TENM3: variants seen among roughly 807,000 people sequenced by gnomAD.
The protein encoded by TENM3 is teneurin transmembrane protein 3.
In TENM3, 63 loss-of-function variants were observed where a neutral mutation model predicts 255.1. The observed-to-expected ratio is 0.25, with a 90% CI of 0.20 to 0.30. The LOEUF (loss-of-function observed/expected upper bound fraction) is 0.30. TENM3 is among the 10% of genes least tolerant of loss of function. The pLI is 1.00. For synonymous variants in TENM3, 1,306 were observed against 1,322.3 expected, an observed-to-expected ratio of 0.99 and a Z score of 0.27; for missense variants, 2,929 against 3,461.1, an observed-to-expected ratio of 0.85 and a Z score of 3.86.
At chr4:181,698,213 CA>C in the TENM3 span, among the ~76,000 whole-genome samples, 76,178 of 119,436 alleles carry the variant, frequency 0.64, 22,196 homozygotes, top group Admixed American at 0.74. Context: ...GACTCTGTCT[CA>C]AAAAAAAAAA....
chr4:182,235,727 A>G (rs1312909160), intron 1 of TENM3, among the ~76,000 whole-genome samples: 1 of 152,208 alleles, frequency 6.6e-6, no homozygotes, highest in Non-Finnish European at 1.5e-5. Flanking sequence ...TCTCACAAGC[A>G]AACATGCTGA....
chr4:181,597,106 A>G, the TENM3 span, among the ~76,000 whole-genome samples: 1 of 152,242 alleles, frequency 6.6e-6, no homozygotes, highest in Non-Finnish European at 1.5e-5. Flanking sequence ...AGTTGTATTC[A>G]ACCATTGTTT....
the TENM3 span, among the ~76,000 whole-genome samples, chr4:181,749,319 G>A: frequency 6.6e-6 from 1 of 152,090 alleles, no homozygotes; most frequent in East Asian, 1.9e-4. Context: ...CTTGGCAAGG[G>A]TGGGGCAATT....
chr4:181,528,699 CGAG>C, the TENM3 span, among the ~76,000 whole-genome samples: 1 of 152,158 alleles, frequency 6.6e-6, no homozygotes, highest in Admixed American at 6.5e-5. Flanking sequence ...AGTATTTCAC[CGAG>C]GAGGTGGAAT....
rs532409166 is a variant in TENM3 at position 182,661,889 on chromosome 4, G to T, written c.1111+7996G>T. ...TGCCTTTCCGTTTCACTCATTATAG[G>T]CTTGTTTACTCACATCATAGGCAGG... is the stretch of plus-strand genomic sequence containing the variant. On this transcript the variant is annotated intron_variant, in intron 6 of 27. Transcript: ENST00000511685. 1.1e-3 allele frequency among the ~76,000 whole-genome samples: 170 copies of T among 152,186 alleles called. 1 individual carries two copies. The highest frequency in any genetic ancestry group is 3.4e-3 in the Middle Eastern group (1 of 294).
At chr4:182,560,182 A>G (rs1274834168) in intron 3 of TENM3, among the ~76,000 whole-genome samples, 1 of 152,000 alleles carries the variant, frequency 6.6e-6, no homozygotes. Context: ...ACACAGGAAT[A>G]CGTTACTTGA....
chr4:181,557,552 G>A, the TENM3 span, among the ~76,000 whole-genome samples: 4 of 151,960 alleles, frequency 2.6e-5, no homozygotes, highest in African/African-American at 9.7e-5. Context: ...TTTTAAACAG[G>A]GTCTCACTCT....
At chr4:182,020,322 C>T in the TENM3 span, among the ~76,000 whole-genome samples, 6 of 151,830 alleles carry the variant, frequency 4.0e-5, no homozygotes, top group African/African-American at 1.4e-4. Flanking sequence ...GCTGAGATCA[C>T]GCCATTGCAC....
At chr4:181,951,042 A>G in the TENM3 span, among the ~76,000 whole-genome samples, 2 of 152,188 alleles carry the variant, frequency 1.3e-5, no homozygotes, top group Non-Finnish European at 2.9e-5. Context: ...ATCATATCTC[A>G]GAAAAACAAA....
At chr4:181,450,973 C>G in the TENM3 span, among the ~76,000 whole-genome samples, 4 of 152,116 alleles carry the variant, frequency 2.6e-5, no homozygotes, top group Non-Finnish European at 4.4e-5. Context: ...TGCCAGGGAT[C>G]GTGTTTCCAG....
At chr4:182,029,166 A>C in the TENM3 span, among the ~76,000 whole-genome samples, 15 of 152,102 alleles carry the variant, frequency 9.9e-5, no homozygotes, top group Admixed American at 7.9e-4. Flanking sequence ...GGGAATTTGC[A>C]CATCACATGG....
the TENM3 span, among the ~76,000 whole-genome samples, chr4:182,102,931 G>A: frequency 6.6e-6 from 1 of 152,134 alleles, no homozygotes; most frequent in Admixed American, 6.6e-5. Context: ...CCTCTCAACT[G>A]CATTACCTTT....
chr4:181,795,491 T>A, the TENM3 span, among the ~76,000 whole-genome samples: 1 of 152,104 alleles, frequency 6.6e-6, no homozygotes, highest in Non-Finnish European at 1.5e-5. Flanking sequence ...ATATATGAAT[T>A]TCAGGGGATG....
At chr4:182,441,735 A>G (rs1179532443) in intron 3 of TENM3, among the ~76,000 whole-genome samples, 1 of 151,986 alleles carries the variant, frequency 6.6e-6, no homozygotes, top group Non-Finnish European at 1.5e-5. Flanking sequence ...TGACCTGATG[A>G]TCTGCCTGCC....
the TENM3 span, among the ~76,000 whole-genome samples, chr4:181,513,687 A>G: frequency 6.6e-6 from 1 of 152,234 alleles, no homozygotes; most frequent in South Asian, 2.1e-4. Context: ...ACAAAATATG[A>G]GCTTTTTATT....
At chr4:181,694,449 C>A in the TENM3 span, among the ~76,000 whole-genome samples, 1 of 152,196 alleles carries the variant, frequency 6.6e-6, no homozygotes, top group Non-Finnish European at 1.5e-5. Context: ...TTAACAGGCT[C>A]GTTGTGTACA....
chr4:181,985,860 G>A, the TENM3 span, among the ~76,000 whole-genome samples: 27 of 152,080 alleles, frequency 1.8e-4, no homozygotes, highest in East Asian at 2.9e-3. Flanking sequence ...CTTTTGTCAC[G>A]GCACTTCTAG....
At chr4:182,637,095 G>A (rs1045476813) in intron 5 of TENM3, among the ~76,000 whole-genome samples, 1 of 152,052 alleles carries the variant, frequency 6.6e-6, no homozygotes, top group Non-Finnish European at 1.5e-5. Flanking sequence ...TGCATAGAGA[G>A]GAGTGAAAGA....
At chr4:182,112,061 C>T in the TENM3 span, among the ~76,000 whole-genome samples, 2 of 152,148 alleles carry the variant, frequency 1.3e-5, no homozygotes, top group African/African-American at 2.4e-5. Flanking sequence ...AAACCAAGGC[C>T]GGAGGATCAC....
Sources: gnomAD v4.1 joint callset for allele counts (sites outside exome capture counted in the v4.1 genomes callset) on GRCh38, gnomAD v4.1.1 for gene constraint, MANE v1.5 for transcripts, NCBI Gene and HGNC (gene_info 2026-07-23, HGNC 2026-07-21) for gene names.